Variants in CNTNAP4 observed in about 807,000 individuals in gnomAD.
CNTNAP4 encodes contactin associated protein family member 4.
In CNTNAP4, 98 loss-of-function variants were observed where a neutral mutation model predicts 148.4. That is an observed-to-expected ratio of 0.66 (90% confidence interval 0.56 to 0.78). The LOEUF is 0.78. CNTNAP4 is among the 30% of genes least tolerant of loss of function. The pLI is 0.00. For missense variants in CNTNAP4, 1,935 were observed against 1,565.6 expected, an observed-to-expected ratio of 1.24 and a Z score of -3.98; for synonymous variants, 730 against 565.1, an observed-to-expected ratio of 1.29 and a Z score of -4.14.
chr16:76,429,428 AT>A (rs765561764), intron 4 of CNTNAP4, among the ~76,000 whole-genome samples: 1 of 152,146 alleles, frequency 6.6e-6, no homozygotes, highest in South Asian at 2.1e-4. Context: ...TTGTGCATGT[AT>A]TTTTTGTAGA....
intron 23 of CNTNAP4, among the ~76,000 whole-genome samples, chr16:76,556,824 C>A (rs918145574): frequency 2.0e-5 from 3 of 152,270 alleles, no homozygotes; most frequent in African/African-American, 7.2e-5. Flanking sequence ...TTATATTAAT[C>A]AGCAACGATT....
intron 1 of CNTNAP4, among the ~76,000 whole-genome samples, chr16:76,306,573 G>T (rs780645681): frequency 1.3e-5 from 2 of 152,198 alleles, no homozygotes; most frequent in African/African-American, 2.4e-5. Flanking sequence ...GGATTTGAAC[G>T]TGAGATGTCA....
At chr16:76,461,328 A>G (rs2080951834) in intron 8 of CNTNAP4, among the ~76,000 whole-genome samples, 1 of 152,182 alleles carries the variant, frequency 6.6e-6, no homozygotes, top group African/African-American at 2.4e-5. Flanking sequence ...TGCTCTGTAC[A>G]TGTCCTGAAA....
chr16:76,459,425 C>G (rs559745438), intron 8 of CNTNAP4, among the ~76,000 whole-genome samples: 2 of 147,946 alleles, frequency 1.4e-5, no homozygotes, highest in South Asian at 2.2e-4. Context: ...ACAAACCAAA[C>G]CAGAGTTGGG....
rs1477140940 is a variant in CNTNAP4, at chr16:76,559,567, C to T, written c.*884C>T. Among the ~76,000 whole-genome samples the T allele has an allele frequency of 6.6e-6, 1 of 152,070 alleles. No homozygotes were observed. The highest frequency in any genetic ancestry group is 2.4e-5 in the African/African-American group (1 of 41,396). On this transcript the variant is annotated 3_prime_UTR_variant, in exon 24 of 24. Coordinates refer to ENST00000611870, the MANE Select transcript of CNTNAP4 (RefSeq NM_033401.5). ...CAGCAAAAAATTATTATTTAATTTA[C>T]AACTGTAATACCTCAAATGAAATAT...
chr16:76,522,711 CTTT>C lies in CNTNAP4; in HGVS notation c.2755+456_2755+458del, dbSNP rs1491368111. 3.1e-3 allele frequency among the ~76,000 whole-genome samples: 77 copies of C among 24,652 alleles called. 4 individuals carry two copies. The highest frequency in any genetic ancestry group is 5.0e-3 in the African/African-American group (26 of 5,216). 16.2% of individuals were successfully genotyped at this position (24,652 alleles called of 152,430 possible). A position where few individuals can be genotyped will look rare whatever the true frequency, so the allele number is the denominator to read the frequency against. ...CCTTTCTTTTCTTTTCTTTTCTTTT[CTTT>C]TCTTTTCTTTTCTTTTCTTTTCTTT... On this transcript the variant is annotated intron_variant, in intron 17 of 23. Coordinates refer to ENST00000611870, the MANE Select transcript of CNTNAP4 (RefSeq NM_033401.5).
At chr16:76,301,966 A>T (rs1751653499) in intron 1 of CNTNAP4, among the ~76,000 whole-genome samples, 1 of 152,072 alleles carries the variant, frequency 6.6e-6, no homozygotes, top group Non-Finnish European at 1.5e-5. Flanking sequence ...CTCTGACATC[A>T]AAAAGCCACC....
chr16:76,553,429 G>C lies in CNTNAP4; in HGVS notation c.3589G>C (p.Val1197Leu). The change falls in exon 22 of 24, where the codon GTG becomes CTG. Residue 1197 changes from valine to leucine, a missense_variant. By Grantham distance (32) the Val-to-Leu change is conservative. Coordinates refer to ENST00000611870, the MANE Select transcript of CNTNAP4 (RefSeq NM_033401.5). Reference protein sequence around the residue: ...HPDPVTVTGHVTESSCMAQPG... With the variant: ...HPDPVTVTGHLTESSCMAQPG... ...AGACCCTGTCACTGTTACAGGACAC[G>C]TGACTGAGTCCAGCTGTATGGCCCA... is the stretch of plus-strand genomic sequence containing the variant. 6.2e-7 allele frequency: 1 copy of C among 1,612,804 alleles called. No individual in the cohort carries two copies. The highest frequency in any genetic ancestry group is 8.5e-7 in the Non-Finnish European group (1 of 1,179,424).
intron 11 of CNTNAP4, among the ~76,000 whole-genome samples, chr16:76,478,758 AGGC>A (rs2081690581): frequency 6.6e-6 from 1 of 152,134 alleles, no homozygotes; most frequent in Non-Finnish European, 1.5e-5. Flanking sequence ...AACCACTTGA[AGGC>A]ATAGTTCATA....
At chr16:76,510,684 T>C (rs996176175) in intron 15 of CNTNAP4, among the ~76,000 whole-genome samples, 3 of 151,940 alleles carry the variant, frequency 2.0e-5, no homozygotes, top group East Asian at 1.9e-4. Context: ...TAGTTGACTG[T>C]ATTTCATTAT....
rs1481460245 is a variant in CNTNAP4, at chr16:76,427,491, T to C, written c.430T>C (p.Tyr144His). 1.2e-6 allele frequency: 2 copies of C among 1,613,228 alleles called. No individual in the cohort carries two copies. Among genetic ancestry groups the C allele is most frequent in the East Asian group, 4.5e-5 (2 of 44,850 alleles). The change falls in exon 4 of 24, where the codon TAT becomes CAT. Residue 144 changes from tyrosine (Y) to histidine (H), a missense_variant. Tyr to His is a moderately conservative substitution (Grantham distance 83). Coordinates refer to ENST00000611870, the MANE Select transcript of CNTNAP4 (RefSeq NM_033401.5). ...GNANADSVVY[Y>H]RLQPSIKARF... ...TGCAAATGCAGACAGTGTTGTGTAC[T>C]ATAGACTCCAGCCTTCTATCAAAGC...
At chr16:76,532,129 C>T (rs566552083) in intron 17 of CNTNAP4, among the ~76,000 whole-genome samples, 1 of 152,304 alleles carries the variant, frequency 6.6e-6, no homozygotes, top group South Asian at 2.1e-4. Flanking sequence ...CATATAGTTT[C>T]ATACCTTCAG....
intron 2 of CNTNAP4, among the ~76,000 whole-genome samples, chr16:76,338,253 C>T (rs903831858): frequency 6.6e-6 from 1 of 152,190 alleles, no homozygotes; most frequent in Non-Finnish European, 1.5e-5. Flanking sequence ...GTGAAATCTT[C>T]ACAATTTATG....
At chr16:76,497,054 A>G (rs1292379467) in intron 14 of CNTNAP4, among the ~76,000 whole-genome samples, 2 of 152,240 alleles carry the variant, frequency 1.3e-5, no homozygotes. Flanking sequence ...GAAATTCTTC[A>G]GGCTAAAGAG....
chr16:76,346,430 GA>G (rs1393739497), intron 2 of CNTNAP4, among the ~76,000 whole-genome samples: 1 of 40,924 alleles, frequency 2.4e-5, no homozygotes, highest in Non-Finnish European at 5.3e-5. Flanking sequence ...GGCTAGGGAA[GA>G]TAAAAAAAAA....
At chr16:76,335,830 G>C (rs1963975445) in intron 2 of CNTNAP4, among the ~76,000 whole-genome samples, 1 of 152,176 alleles carries the variant, frequency 6.6e-6, no homozygotes. Context: ...AGGCAGTGCT[G>C]TTGGCAAGGT....
intron 2 of CNTNAP4, among the ~76,000 whole-genome samples, chr16:76,330,877 A>G (rs1456680198): frequency 1.3e-5 from 2 of 152,246 alleles, no homozygotes; most frequent in East Asian, 3.8e-4. Context: ...AATAAAACAT[A>G]TGAACCGGGA....
At chr16:76,303,904 G>A (rs976783362) in intron 1 of CNTNAP4, among the ~76,000 whole-genome samples, 2 of 152,056 alleles carry the variant, frequency 1.3e-5, no homozygotes, top group Non-Finnish European at 2.9e-5. Context: ...GGTTACGAAT[G>A]TTGAATGCTG....
rs1443502390 is a variant in CNTNAP4 at position 76,431,208 on chromosome 16, C to T, written c.538+3609C>T. On this transcript the variant is annotated intron_variant, in intron 4 of 23. Transcript: ENST00000611870. ...GTCCAAATAGGAAAAGTGCTGTACC[C>T]CAGTCAAGCACAGGAAAGAGGATTG... 2.0e-5 allele frequency among the ~76,000 whole-genome samples: 3 copies of T among 152,024 alleles called. No individual in the cohort carries two copies. The East Asian group carries it at 5.8e-4, about 29-fold the overall frequency.
Sources: gnomAD v4.1 joint callset for allele counts (sites outside exome capture counted in the v4.1 genomes callset) on GRCh38, gnomAD v4.1.1 for gene constraint, MANE v1.5 for transcripts, NCBI Gene and HGNC (gene_info 2026-07-23, HGNC 2026-07-21) for gene names.